Variants in VWA3B observed in about 807,000 individuals in gnomAD.
VWA3B encodes the protein von Willebrand factor A domain containing 3B.
Under a neutral mutation model 158.3 loss-of-function variants are expected in VWA3B, and 138 were observed. The observed-to-expected ratio is 0.87, with a 90% CI of 0.76 to 1.00. The LOEUF is 1.00. Ranked by LOEUF, VWA3B falls within the 50% of genes least tolerant of loss-of-function variation. The pLI is 0.00. For missense variants in VWA3B, 1,555 were observed against 1,565.1 expected (o/e 0.99, Z 0.11); for synonymous variants, 596 against 587.3 (o/e 1.01, Z -0.21).
chr2:98,089,099 A>G (rs757528081), intron 1 of VWA3B, among the ~76,000 whole-genome samples: 1 of 152,070 alleles, frequency 6.6e-6, no homozygotes, highest in Admixed American at 6.5e-5. Flanking sequence ...CTTTTTTAAA[A>G]GAGCTGTTTC....
intron 2 of VWA3B, among the ~76,000 whole-genome samples, chr2:98,102,351 A>G (rs1683141272): frequency 6.6e-6 from 1 of 151,500 alleles, no homozygotes; most frequent in Non-Finnish European, 1.5e-5. Context: ...CAAAACCGCC[A>G]TCGTCATCAT....
intron 7 of VWA3B, among the ~76,000 whole-genome samples, chr2:98,135,502 A>AT (rs1291409765): frequency 6.7e-6 from 1 of 149,762 alleles, no homozygotes; most frequent in African/African-American, 2.5e-5. Flanking sequence ...CGCCCGGCTA[A>AT]TTTTTTGTAT....
At chr2:98,270,941 C>T (rs1417813112) in intron 22 of VWA3B, 58 bp downstream of exon 22, 17 of 1,537,586 alleles carry the variant, frequency 1.1e-5, no homozygotes, top group Middle Eastern at 2.2e-4. Context: ...AAGTCATTGC[C>T]ATTCCTACAT....
At chr2:98,288,376 A>T (rs2105940825) in intron 22 of VWA3B, among the ~76,000 whole-genome samples, 1 of 152,318 alleles carries the variant, frequency 6.6e-6, no homozygotes, top group African/African-American at 2.4e-5. Context: ...TGCTATTCAC[A>T]GCTTAAGTCT....
At chr2:98,109,181 A>G (rs886436827) in intron 2 of VWA3B, among the ~76,000 whole-genome samples, 7 of 152,044 alleles carry the variant, frequency 4.6e-5, no homozygotes, top group Non-Finnish European at 1.0e-4. Context: ...TAGTAAAGAC[A>G]GGGTTTCTCC....
intron 12 of VWA3B, chr2:98,207,047 T>C (rs1683080565): frequency 2.0e-6 from 1 of 501,714 alleles, no homozygotes; most frequent in South Asian, 1.5e-5. Flanking sequence ...GTTCAAGATG[T>C]ACTCCTGTTT....
intron 7 of VWA3B, among the ~76,000 whole-genome samples, chr2:98,153,301 T>C (rs1156456936): frequency 6.6e-6 from 1 of 152,216 alleles, no homozygotes; most frequent in Non-Finnish European, 1.5e-5. Flanking sequence ...AGTAGTTTTG[T>C]TTGTGTCCAG....
Position 98,183,187 on chromosome 2 carries a change from C to G in VWA3B, c.1311+1975C>G, listed in dbSNP as rs184597488. Among the ~76,000 whole-genome samples the G allele has an allele frequency of 1.9e-4, 27 of 138,480 alleles. No homozygotes were observed. The East Asian group carries it at 5.6e-3, about 29-fold the overall frequency. The allele number at this position is 138,480 out of a possible 152,430, so 90.8% of individuals were successfully genotyped here. A position where few individuals can be genotyped will look rare whatever the true frequency, so the allele number is the denominator to read the frequency against. On this transcript the variant is annotated intron_variant, in intron 9 of 27. Transcript: ENST00000477737. ...AGAATTATTAATATATAGTACAGCTCCCTTTTTTTTTTTTTTTTTTTTTAC... is the reference window on the plus strand; with the variant it reads ...AGAATTATTAATATATAGTACAGCTGCCTTTTTTTTTTTTTTTTTTTTTAC...
rs867509353 is a variant in VWA3B at position 98,119,735 on chromosome 2, G to T, written c.514G>T (p.Ala172Ser). The change falls in exon 4 of 28, where the codon GCT becomes TCT. Residue 172 changes from alanine to serine, a missense_variant. Coordinates refer to ENST00000477737, the MANE Select transcript of VWA3B (RefSeq NM_144992.5). The part of the protein sequence containing the change: ...ALTMVLQEQV[A>S]HITEFNIIRV... ...AACAATGGTTCTCCAGGAGCAGGTGGCTCACATAACCGAGTTCAATATCAT... is the reference window on the plus strand; with the variant it reads ...AACAATGGTTCTCCAGGAGCAGGTGTCTCACATAACCGAGTTCAATATCAT... 5.0e-6 allele frequency: 8 copies of T among 1,614,134 alleles called. No individual in the cohort carries two copies. In the Middle Eastern group the frequency reaches 8.3e-4, roughly 166 times the overall value.
intron 8 of VWA3B, among the ~76,000 whole-genome samples, chr2:98,168,317 G>A (rs2105279218): frequency 6.6e-6 from 1 of 151,934 alleles, no homozygotes; most frequent in South Asian, 2.1e-4. Context: ...TGAGTTATGA[G>A]CCTCAGATAT....
chr2:98,268,095 G>A (rs1170508520), intron 21 of VWA3B, among the ~76,000 whole-genome samples: 40 of 151,436 alleles, frequency 2.6e-4, no homozygotes, highest in African/African-American at 5.8e-4. Flanking sequence ...ATTCACAGCC[G>A]AATTCTACCA....
intron 24 of VWA3B, among the ~76,000 whole-genome samples, chr2:98,298,986 C>G (rs1390595123): frequency 6.6e-6 from 1 of 152,178 alleles, no homozygotes; most frequent in Non-Finnish European, 1.5e-5. Context: ...TCCCTCTGAG[C>G]CGGGGTGGAA....
intron 5 of VWA3B, among the ~76,000 whole-genome samples, chr2:98,123,368 G>A (rs75011970): frequency 0.024 from 3,709 of 152,276 alleles, 148 homozygotes; most frequent in African/African-American, 0.083. Context: ...TGCAAGTCCC[G>A]TTTCTATACC....
chr2:98,222,906 T>C (rs1215592894), intron 14 of VWA3B, among the ~76,000 whole-genome samples: 1 of 152,004 alleles, frequency 6.6e-6, no homozygotes, highest in Non-Finnish European at 1.5e-5. Flanking sequence ...TCTCACACAA[T>C]AGGAAATACC....
rs1345429012 is a variant in VWA3B, at chr2:98,106,756, A to G, written c.197-8896A>G. On this transcript the variant is annotated intron_variant, in intron 2 of 27. Transcript: ENST00000477737. The stretch of plus-strand genomic sequence containing the variant: ...AACCTTCTATCTTGTGATCTTGCCA[A>G]ACTCACTTATTCTGGAAGATTTCTA... 8.5e-5 allele frequency among the ~76,000 whole-genome samples: 13 copies of G among 152,306 alleles called. No homozygotes were observed. The East Asian group carries it at 2.5e-3, about 29-fold the overall frequency.
At chr2:98,300,560 T>G (rs1219347424) in intron 25 of VWA3B, among the ~76,000 whole-genome samples, 2 of 152,088 alleles carry the variant, frequency 1.3e-5, no homozygotes, top group African/African-American at 4.8e-5. Flanking sequence ...CTCCTCCGCC[T>G]CCTCAGACTG....
chr2:98,167,628 A>T (rs951691775), intron 8 of VWA3B, among the ~76,000 whole-genome samples: 2 of 152,212 alleles, frequency 1.3e-5, no homozygotes, highest in Admixed American at 6.5e-5. Flanking sequence ...AAAGTACCAG[A>T]GAGGAGACAG....
intron 7 of VWA3B, among the ~76,000 whole-genome samples, chr2:98,142,962 T>C (rs1287694016): frequency 1.3e-5 from 2 of 152,136 alleles, no homozygotes; most frequent in African/African-American, 4.8e-5. Flanking sequence ...GTAAAACATA[T>C]CAATTATCAC....
intron 14 of VWA3B, among the ~76,000 whole-genome samples, chr2:98,220,906 T>G (rs371666037): frequency 7.9e-5 from 12 of 151,826 alleles, no homozygotes; most frequent in South Asian, 6.2e-4. Flanking sequence ...CACTTATAAG[T>G]GGGAGCCGAA....
Sources: gnomAD v4.1 joint callset for allele counts (sites outside exome capture counted in the v4.1 genomes callset) on GRCh38, gnomAD v4.1.1 for gene constraint, MANE v1.5 for transcripts, NCBI Gene and HGNC (gene_info 2026-07-23, HGNC 2026-07-21) for gene names.